The following OSCP1 variants were observed in gnomAD, a reference collection of about 807,000 sequenced individuals.
The protein encoded by OSCP1 is protein OSCP1.
A neutral mutation model predicts 45.1 loss-of-function variants in OSCP1; 35 were observed. The ratio of observed to expected loss-of-function variants is 0.78; its 90% CI spans 0.59 to 1.03. The LOEUF is 1.03. Among genes scored for constraint, OSCP1 ranks in the 50% least tolerant of loss-of-function variants. OSCP1 has a pLI of 0.00. For synonymous variants in OSCP1, 179 were observed against 180.1 expected, an observed-to-expected ratio of 0.99 and a Z score of 0.05; for missense variants, 400 against 470.7, an observed-to-expected ratio of 0.85 and a Z score of 1.39.
At chr1:36,436,190 G>A (rs1476862151) in intron 2 of OSCP1, among the ~76,000 whole-genome samples, 3 of 145,956 alleles carry the variant, frequency 2.1e-5, no homozygotes, top group Admixed American at 7.0e-5. Context: ...TGCAAGCTCC[G>A]CCTCCCAGGT....
chr1:36,426,490 T>A (rs1214152781), intron 4 of OSCP1, among the ~76,000 whole-genome samples: 2 of 152,176 alleles, frequency 1.3e-5, no homozygotes, highest in African/African-American at 4.8e-5. Context: ...CCATTGCCTG[T>A]CACACATTTC....
At chr1:36,435,127 C>T (rs1209071289) in intron 2 of OSCP1, among the ~76,000 whole-genome samples, 1 of 136,524 alleles carries the variant, frequency 7.3e-6, no homozygotes, top group East Asian at 2.2e-4. Context: ...GGGGGTCTCA[C>T]TCTGTTACCC....
intron 1 of OSCP1, among the ~76,000 whole-genome samples, chr1:36,440,322 A>G (rs926706814): frequency 1.3e-5 from 2 of 152,204 alleles, no homozygotes; most frequent in Non-Finnish European, 2.9e-5. Context: ...GGGGGAGCTG[A>G]GGGCTGGTTG....
intron 4 of OSCP1, among the ~76,000 whole-genome samples, chr1:36,430,663 G>A (rs1225593369): frequency 6.6e-6 from 1 of 152,100 alleles, no homozygotes; most frequent in Non-Finnish European, 1.5e-5. Context: ...TTGTTTGTTT[G>A]TTTGTTTTTG....
chr1:36,443,980 A>T lies in OSCP1; in HGVS notation c.113-5070T>A, dbSNP rs558582431. The T allele has an allele frequency of 8.0e-5, 129 of 1,609,766 alleles. 1 individual carries two copies. In the South Asian group the frequency reaches 1.3e-3, roughly 17 times the overall value. ...GTGAACCTGTGGATGCACACTGAAC[A>T]CATGCAGCCCGGAGATAGCATACCT... On this transcript the variant is annotated intron_variant, in intron 1 of 9. Coordinates refer to ENST00000235532, the MANE Select transcript of OSCP1 (RefSeq NM_145047.5).
intron 1 of OSCP1, among the ~76,000 whole-genome samples, chr1:36,444,249 T>C (rs1475931168): frequency 1.3e-5 from 2 of 152,238 alleles, no homozygotes; most frequent in African/African-American, 4.8e-5. Context: ...AGAAAGGCTA[T>C]GTCTTACAGA....
At chr1:36,433,556 A>G (rs1397808864) in intron 2 of OSCP1, among the ~76,000 whole-genome samples, 1 of 152,178 alleles carries the variant, frequency 6.6e-6, no homozygotes, top group African/African-American at 2.4e-5. Context: ...TATGCTGACT[A>G]CCTGACTGAT....
intron 2 of OSCP1, among the ~76,000 whole-genome samples, chr1:36,433,502 G>C (rs1044207026): frequency 5.6e-5 from 8 of 143,946 alleles, no homozygotes; most frequent in African/African-American, 2.0e-4. Flanking sequence ...GGGAGGGAGG[G>C]AGGGAGGTAG....
rs138707712 is a variant in OSCP1 at position 36,447,523 on chromosome 1, T to C, written c.112+2735A>G. On this transcript the variant is annotated intron_variant, in intron 1 of 9. Transcript: ENST00000235532. This position sits in a 1 kb window ranked among gnomAD's most constrained non-coding sequence, Gnocchi z 4.1. ...AGGACATTGGTTATATGAGGGGACATTGGTTATAGTAAGGGGACATTGGCT... is the reference window on the plus strand; with the variant it reads ...AGGACATTGGTTATATGAGGGGACACTGGTTATAGTAAGGGGACATTGGCT... Among the ~76,000 whole-genome samples, 1,718 of 152,140 alleles carry C rather than the reference T, an allele frequency of 0.011. 17 individuals carry two copies. The highest frequency in any genetic ancestry group is 0.037 in the Middle Eastern group (11 of 294).
chr1:36,424,697 T>C (rs1216847459), intron 4 of OSCP1, among the ~76,000 whole-genome samples: 1 of 152,108 alleles, frequency 6.6e-6, no homozygotes, highest in Non-Finnish European at 1.5e-5. Flanking sequence ...ACTTATTCCT[T>C]CTCCTGGGTT....
intron 4 of OSCP1, among the ~76,000 whole-genome samples, chr1:36,427,577 A>C (rs1262202307): frequency 6.6e-6 from 1 of 151,960 alleles, no homozygotes; most frequent in African/African-American, 2.4e-5. Context: ...TTGGCCTCCC[A>C]AAGTGCTGGG....
intron 8 of OSCP1, chr1:36,419,371 G>T (rs900258749): frequency 7.7e-6 from 3 of 388,950 alleles, no homozygotes; most frequent in Non-Finnish European, 9.4e-6. Flanking sequence ...CTCAATTAGC[G>T]CATTCATGAC....
Position 36,422,659 on chromosome 1 carries a change from A to G in OSCP1, c.749+109T>C, listed in dbSNP as rs1647723391. ...GTGTACCTAAGGGGAAATTACTCCT[A>G]TTGTCGGCAGGGATTTTCATAGCAG... On this transcript the variant is annotated intron_variant, in intron 6 of 9. Coordinates refer to ENST00000235532, the MANE Select transcript of OSCP1 (RefSeq NM_145047.5). 5 of 1,162,574 alleles carry G rather than the reference A, an allele frequency of 4.3e-6. No individual in the cohort carries two copies. The African/African-American group carries it at 4.7e-5, about 11-fold the overall frequency. The allele number at this position is 1,162,574 out of a possible 1,614,324, so 72.0% of individuals were successfully genotyped here.
At chr1:36,439,758 T>C (rs574700072) in intron 1 of OSCP1, among the ~76,000 whole-genome samples, 4 of 152,382 alleles carry the variant, frequency 2.6e-5, no homozygotes, top group African/African-American at 9.6e-5. Context: ...ATCTTGATAC[T>C]ACAGTGTAGT....
chr1:36,439,744 T>C (rs1649005107), intron 1 of OSCP1, among the ~76,000 whole-genome samples: 1 of 152,226 alleles, frequency 6.6e-6, no homozygotes, highest in Non-Finnish European at 1.5e-5. Flanking sequence ...ACATTTGATC[T>C]ATAATCTTGA....
chr1:36,439,211 A>C (rs1169081145), intron 1 of OSCP1, among the ~76,000 whole-genome samples: 1 of 152,234 alleles, frequency 6.6e-6, no homozygotes, highest in Non-Finnish European at 1.5e-5. Context: ...TAAGAGGAAT[A>C]TTTCTTCTTT....
At chr1:36,446,948 A>C (rs1359367022) in intron 1 of OSCP1, among the ~76,000 whole-genome samples, 1 of 152,170 alleles carries the variant, frequency 6.6e-6, no homozygotes, top group African/African-American at 2.4e-5. Flanking sequence ...CCTCATAGAG[A>C]GAGCACTTCC....
chr1:36,443,926 C>G (rs1334783970), intron 1 of OSCP1: 1 of 1,487,722 alleles, frequency 6.7e-7, no homozygotes, highest in Non-Finnish European at 9.3e-7. Flanking sequence ...CAAGCGGTCC[C>G]ATTTTAAGCC....
chr1:36,428,607 A>G (rs1224673042), intron 4 of OSCP1: 15 of 1,134,832 alleles, frequency 1.3e-5, no homozygotes, highest in Non-Finnish European at 1.7e-5. Flanking sequence ...GCCCAAGGTC[A>G]TGGAGCTAGT....
Sources: gnomAD v4.1 joint callset for allele counts (sites outside exome capture counted in the v4.1 genomes callset) on GRCh38, gnomAD v4.1.1 for gene constraint, Gnocchi (gnomAD v3.1) non-coding constraint, MANE v1.5 for transcripts, NCBI Gene and HGNC (gene_info 2026-07-23, HGNC 2026-07-21) for gene names.